The following GNA12 variants were observed in gnomAD, a reference collection of about 807,000 sequenced individuals.
GNA12 encodes the protein guanine nucleotide-binding protein subunit alpha-12.
GNA12 carries 9 observed loss-of-function variants against 26.0 expected under a neutral mutation model. The observed-to-expected ratio is 0.35, with a 90% confidence interval of 0.21 to 0.60. GNA12 has a LOEUF of 0.60. Among genes scored for constraint, GNA12 ranks in the 20% least tolerant of loss-of-function variants. GNA12 has a pLI of 0.78. For missense variants in GNA12, 405 were observed against 525.8 expected (o/e 0.77, Z 2.25); for synonymous variants, 264 against 219.6 (o/e 1.20, Z -1.79).
intron 2 of GNA12, chr7:2,765,153 T>A (rs1791750920): frequency 1.3e-5 from 2 of 151,192 alleles, no homozygotes; most frequent in African/African-American, 4.8e-5. Flanking sequence ...AGGCTGACTT[T>A]TTTTTTTTTT....
At chr7:2,732,076 C>G (rs1194144471) in intron 3 of GNA12, among the ~76,000 whole-genome samples, 1 of 152,030 alleles carries the variant, frequency 6.6e-6, no homozygotes, top group African/African-American at 2.4e-5. Flanking sequence ...CCAGAGATAC[C>G]TTTTTATTTT....
At chr7:2,784,112 A>T (rs770255750) in intron 2 of GNA12, among the ~76,000 whole-genome samples, 25 of 152,208 alleles carry the variant, frequency 1.6e-4, no homozygotes, top group Non-Finnish European at 3.4e-4. Context: ...TTAAAATTTA[A>T]CATTTATTTT....
At chr7:2,765,532 C>A (rs906663970) in intron 2 of GNA12, among the ~76,000 whole-genome samples, 4 of 152,046 alleles carry the variant, frequency 2.6e-5, no homozygotes, top group African/African-American at 9.7e-5. Flanking sequence ...GAGAGCTTCA[C>A]TTCCTAATCC....
At chr7:2,737,566 G>A (rs768310905) in intron 2 of GNA12, among the ~76,000 whole-genome samples, 3 of 152,166 alleles carry the variant, frequency 2.0e-5, no homozygotes, top group Non-Finnish European at 2.9e-5. Flanking sequence ...TGGGATTACA[G>A]GCGTGAGCCA....
At chr7:2,825,003 G>C (rs1793451975) in intron 1 of GNA12, among the ~76,000 whole-genome samples, 1 of 152,170 alleles carries the variant, frequency 6.6e-6, no homozygotes. Context: ...TGCACCTGCG[G>C]GTGGACAGAC....
At chr7:2,763,712 C>G (rs1791683191) in intron 2 of GNA12, among the ~76,000 whole-genome samples, 1 of 152,182 alleles carries the variant, frequency 6.6e-6, no homozygotes, top group African/African-American at 2.4e-5. Flanking sequence ...TCCAGGAAAC[C>G]AAAGCTTCTT....
At chr7:2,792,805 A>G (rs922042905) in intron 2 of GNA12, among the ~76,000 whole-genome samples, 2 of 152,216 alleles carry the variant, frequency 1.3e-5, no homozygotes, top group Non-Finnish European at 2.9e-5. Flanking sequence ...GCTAGTAAAA[A>G]CGTCATCCTT....
chr7:2,828,707 A>C (rs1209290789), intron 1 of GNA12, among the ~76,000 whole-genome samples: 2 of 152,230 alleles, frequency 1.3e-5, no homozygotes, highest in Non-Finnish European at 2.9e-5. Context: ...TGGTCAAAGA[A>C]ATAAATTTCC....
chr7:2,763,199 C>CACACACAT (rs1791655988), intron 2 of GNA12: 1 of 135,752 alleles, frequency 7.4e-6, no homozygotes, highest in Admixed American at 1.8e-4. Flanking sequence ...CCAACACACA[C>CACACACAT]ACACACACAC....
At position 2,731,037 on chromosome 7, in the gene GNA12, G is replaced by A. The variant is rs556690219; in HGVS notation, c.*144C>T. On this transcript the variant is annotated 3_prime_UTR_variant, in exon 4 of 4. Coordinates refer to ENST00000275364, the MANE Select transcript of GNA12 (RefSeq NM_007353.3). This position sits in a 1 kb window ranked among gnomAD's most constrained non-coding sequence, Gnocchi z 6.0. Reference sequence around the variant, plus strand: ...TTTGCCTAGAGCTCGCTGGCTGGCTGGTCTGACAGCATTCCTGAGCCAGGT... The same window carrying A: ...TTTGCCTAGAGCTCGCTGGCTGGCTAGTCTGACAGCATTCCTGAGCCAGGT... 1.9e-5 allele frequency: 11 copies of A among 590,602 alleles called. No homozygotes were observed. Among genetic ancestry groups the A allele is most frequent in the Admixed American group, 8.8e-5 (3 of 33,902 alleles). 36.6% of individuals were successfully genotyped at this position (590,602 alleles called of 1,614,324 possible). A position where few individuals can be genotyped will look rare whatever the true frequency, so the allele number is the denominator to read the frequency against.
At position 2,730,467 on chromosome 7, in the gene GNA12, G is replaced by GGC. The variant is rs1241287648; in HGVS notation, c.*712_*713dup. 6.6e-6 allele frequency: 1 copy of GGC among 152,478 alleles called. No individual in the cohort carries two copies. The highest frequency in any genetic ancestry group is 6.5e-5 in the Admixed American group (1 of 15,276). The allele number at this position is 152,478 out of a possible 1,614,324, so 9.4% of individuals were successfully genotyped here. On this transcript the variant is annotated 3_prime_UTR_variant, in exon 4 of 4. Coordinates refer to ENST00000275364, the MANE Select transcript of GNA12 (RefSeq NM_007353.3). ...TGGGAAGGGCTGAGCCTGCTGTAGGGGCGTAAGGTGAATCCACACCTGCAG... is the reference window on the plus strand; with the variant it reads ...TGGGAAGGGCTGAGCCTGCTGTAGGGGCGCGTAAGGTGAATCCACACCTGCAG...
chr7:2,756,489 C>T (rs1791301581), intron 2 of GNA12, among the ~76,000 whole-genome samples: 3 of 152,064 alleles, frequency 2.0e-5, no homozygotes, highest in Non-Finnish European at 4.4e-5. Context: ...GTGGCACACG[C>T]CTATAGTCCC....
At chr7:2,842,341 C>T (rs1312731721) in intron 1 of GNA12, among the ~76,000 whole-genome samples, 1 of 152,094 alleles carries the variant, frequency 6.6e-6, no homozygotes, top group Non-Finnish European at 1.5e-5. Context: ...CACTGCCACT[C>T]AGGCTGGAGT....
intron 1 of GNA12, among the ~76,000 whole-genome samples, chr7:2,839,933 G>A (rs1778941808): frequency 6.6e-6 from 1 of 152,186 alleles, no homozygotes; most frequent in South Asian, 2.1e-4. Context: ...CCGGGGCGGA[G>A]GTTGCAGTGA....
At chr7:2,795,830 T>C (rs970925067) in intron 1 of GNA12, among the ~76,000 whole-genome samples, 3 of 151,038 alleles carry the variant, frequency 2.0e-5, no homozygotes, top group Non-Finnish European at 3.0e-5. Flanking sequence ...TTTTTTTTTT[T>C]TTTTCTTAGA....
intron 2 of GNA12, among the ~76,000 whole-genome samples, chr7:2,773,949 G>C (rs192188726): frequency 6.6e-6 from 1 of 152,254 alleles, no homozygotes; most frequent in East Asian, 1.9e-4. Flanking sequence ...GGAAGAACGT[G>C]CCGCAGAATT....
intron 2 of GNA12, among the ~76,000 whole-genome samples, chr7:2,786,355 G>A (rs557627772): frequency 1.3e-5 from 2 of 152,074 alleles, no homozygotes; most frequent in South Asian, 2.1e-4. Flanking sequence ...AAAAACGGGC[G>A]CCTGGCGATA....
At chr7:2,790,864 C>T (rs7790322) in intron 2 of GNA12, among the ~76,000 whole-genome samples, 48,952 of 151,886 alleles carry the variant, frequency 0.32, 9,271 homozygotes, top group Non-Finnish European at 0.41. Flanking sequence ...ATCCCAACTA[C>T]TCAGTAGGCT....
At chr7:2,756,989 T>C (rs1791328622) in intron 2 of GNA12, among the ~76,000 whole-genome samples, 1 of 152,120 alleles carries the variant, frequency 6.6e-6, no homozygotes, top group Non-Finnish European at 1.5e-5. Context: ...TGGAAGGTTC[T>C]CTTGAGCTGG....
Sources: allele counts gnomAD v4.1 joint callset (sites outside exome capture counted in the v4.1 genomes callset), GRCh38; gene constraint gnomAD v4.1.1; non-coding constraint Gnocchi (gnomAD v3.1); transcripts MANE v1.5; gene names NCBI Gene and HGNC (gene_info 2026-07-23, HGNC 2026-07-21).